The following ZNF827 variants were observed in gnomAD, a reference collection of about 807,000 sequenced individuals.
ZNF827 encodes zinc finger protein 827.
A neutral mutation model predicts 102.4 loss-of-function variants in ZNF827; 13 were observed. The observed-to-expected ratio is 0.13, with a 90% confidence interval of 0.08 to 0.20. The LOEUF (loss-of-function observed/expected upper bound fraction) is 0.20, where lower values mean the gene tolerates loss of function less well. Ranked by LOEUF, ZNF827 falls within the 10% of genes least tolerant of loss-of-function variation. The pLI is 1.00. For missense variants in ZNF827, 1,103 were observed against 1,344.4 expected, an observed-to-expected ratio of 0.82 and a Z score of 2.81; for synonymous variants, 523 against 536.2, an observed-to-expected ratio of 0.98 and a Z score of 0.34.
chr4:145,811,882 A>C (rs1390786195), intron 8 of ZNF827, among the ~76,000 whole-genome samples: 1 of 152,150 alleles, frequency 6.6e-6, no homozygotes. Flanking sequence ...CTGTTAGCTC[A>C]GAGATGGGAA....
At position 145,784,026 on chromosome 4, in the gene ZNF827, C is replaced by A. The variant is rs111694902; in HGVS notation, c.2384-4515G>T. 1.2e-3 allele frequency among the ~76,000 whole-genome samples: 177 copies of A among 152,134 alleles called. 1 individual carries two copies. Among genetic ancestry groups the A allele is most frequent in the African/African-American group, 4.0e-3 (168 of 41,512 alleles). Reference sequence around the variant, plus strand: ...TCTGGTTGTTTAAAAGTGTGCAGCACCTTCCCCTTCTCTATTCCTACTGCT... The same window carrying A: ...TCTGGTTGTTTAAAAGTGTGCAGCAACTTCCCCTTCTCTATTCCTACTGCT... On this transcript the variant is annotated intron_variant, in intron 8 of 14. Transcript: ENST00000508784.
intron 8 of ZNF827, among the ~76,000 whole-genome samples, chr4:145,809,786 T>C (rs2126379513): frequency 6.6e-6 from 1 of 152,252 alleles, no homozygotes; most frequent in South Asian, 2.1e-4. Context: ...TCTATACCCC[T>C]ATGATTTCAT....
chr4:145,887,900 G>A (rs1346028206), intron 3 of ZNF827, among the ~76,000 whole-genome samples: 1 of 152,160 alleles, frequency 6.6e-6, no homozygotes, highest in Non-Finnish European at 1.5e-5. Flanking sequence ...GCAGTGCAGT[G>A]GGGCAGATCC....
intron 6 of ZNF827, 28 bp downstream of exon 6, chr4:145,849,294 A>G: frequency 1.3e-6 from 2 of 1,596,294 alleles, no homozygotes; most frequent in Non-Finnish European, 8.6e-7. Context: ...ATTTCCAATA[A>G]TTGACATTTT....
At chr4:145,781,589 T>C (rs555949025) in intron 8 of ZNF827, among the ~76,000 whole-genome samples, 1 of 152,158 alleles carries the variant, frequency 6.6e-6, no homozygotes, top group Admixed American at 6.5e-5. Flanking sequence ...AAAGTAGAAA[T>C]GTGTGACTAA....
chr4:145,870,605 A>T, intron 4 of ZNF827, 127 bp from the exon 5 acceptor site: 1 of 804,992 alleles, frequency 1.2e-6, no homozygotes, highest in Non-Finnish European at 2.0e-6. Context: ...TCACAACCTC[A>T]TCAGAACAGG....
At chr4:145,918,248 G>A (rs531583056) in intron 1 of ZNF827, among the ~76,000 whole-genome samples, 26 of 149,530 alleles carry the variant, frequency 1.7e-4, no homozygotes, top group Non-Finnish European at 2.7e-4. Context: ...TATGCTTTGC[G>A]GGGCACATAT....
At chr4:145,801,255 G>A (rs1008920110) in intron 8 of ZNF827, among the ~76,000 whole-genome samples, 1 of 152,132 alleles carries the variant, frequency 6.6e-6, no homozygotes, top group African/African-American at 2.4e-5. Context: ...CCATTGCCCT[G>A]TTAAACTTCC....
intron 7 of ZNF827, among the ~76,000 whole-genome samples, chr4:145,838,717 G>A (rs566488676): frequency 1.3e-5 from 2 of 152,180 alleles, no homozygotes; most frequent in East Asian, 3.9e-4. Context: ...TGTATATGTA[G>A]TAGGACTCAG....
At chr4:145,903,597 G>A (rs1751599458) in intron 1 of ZNF827, among the ~76,000 whole-genome samples, 1 of 152,186 alleles carries the variant, frequency 6.6e-6, no homozygotes, top group South Asian at 2.1e-4. Context: ...CAGAATGAGA[G>A]AGGCAGCCTG....
intron 4 of ZNF827, among the ~76,000 whole-genome samples, chr4:145,878,637 A>AGGGAGAGAG (rs1749381587): frequency 7.5e-6 from 1 of 132,870 alleles, no homozygotes; most frequent in African/African-American, 2.8e-5. Flanking sequence ...AAGGAAAGGA[A>AGGGAGAGAG]AGGAAAGGAA....
chr4:145,848,186 A>G (rs1746167822), intron 6 of ZNF827, among the ~76,000 whole-genome samples: 2 of 152,246 alleles, frequency 1.3e-5, no homozygotes, highest in African/African-American at 2.4e-5. Flanking sequence ...CAAAAAATAC[A>G]TAAATAAAAG....
Position 145,892,248 on chromosome 4 carries a change from T to G in ZNF827, c.1261A>C (p.Met421Leu). The change falls in exon 3 of 15, where the codon ATG (methionine) becomes CTG (leucine). Residue 421 changes from methionine to leucine, a missense_variant. By Grantham distance (15) the Met-to-Leu change is conservative (BLOSUM62 2). This residue lies in a region of ZNF827 where 157 missense variants were observed against 211.7 expected (regional missense o/e 0.74). Transcript: ENST00000508784. ...GCAGTCGGTAGGTGGCTTACCTTCA[T>G]GTGGGATTTGAGATTGTCCTTGCGA... ...CARKDNLKSH[M>L]KVHQHQDRGE... 1 of 1,607,752 alleles carries G rather than the reference T, an allele frequency of 6.2e-7. No individual in the cohort carries two copies. The highest frequency in any genetic ancestry group is 8.5e-7 in the Non-Finnish European group (1 of 1,175,634).
At chr4:145,875,313 T>C (rs775693248) in intron 4 of ZNF827, among the ~76,000 whole-genome samples, 2 of 152,098 alleles carry the variant, frequency 1.3e-5, no homozygotes, top group African/African-American at 2.4e-5. Context: ...CCTAAAAAGG[T>C]TAAGAAACTG....
chr4:145,814,459 A>G (rs562981158), intron 8 of ZNF827, among the ~76,000 whole-genome samples: 22 of 152,252 alleles, frequency 1.4e-4, no homozygotes, highest in African/African-American at 4.8e-4. Flanking sequence ...TGAGGTAGGA[A>G]ACTCTGAAGT....
chr4:145,799,787 C>T (rs185232213), intron 8 of ZNF827, among the ~76,000 whole-genome samples: 13 of 152,280 alleles, frequency 8.5e-5, no homozygotes, highest in East Asian at 1.9e-4. Flanking sequence ...GTCATGCCCT[C>T]GACTTCCTTC....
In ZNF827 at chr4:145,765,784, C is replaced by T; in HGVS notation, c.2861-46G>A. ...CCAGTCTGTTAATGAGATGAAAATC[C>T]TCAGAATTATAGCAACTGAGGGTGA... On this transcript the variant is annotated intron_variant, in intron 11 of 14. Transcript: ENST00000508784. This position sits in a 1 kb window ranked among gnomAD's most constrained non-coding sequence, Gnocchi z 4.7. 2 of 1,582,032 alleles carry T rather than the reference C, an allele frequency of 1.3e-6. No homozygotes were observed. Among genetic ancestry groups the T allele is most frequent in the South Asian group, 2.3e-5 (2 of 86,282 alleles).
At chr4:145,922,219 A>G (rs1351467043) in intron 1 of ZNF827, among the ~76,000 whole-genome samples, 1 of 152,198 alleles carries the variant, frequency 6.6e-6, no homozygotes, top group Admixed American at 6.5e-5. Flanking sequence ...TTCCATTACT[A>G]TGTAGACAAC....
chr4:145,878,203 C>A (rs1190494087), intron 4 of ZNF827, among the ~76,000 whole-genome samples: 3 of 152,124 alleles, frequency 2.0e-5, no homozygotes, highest in Non-Finnish European at 2.9e-5. Context: ...GGCTACGATT[C>A]CCCCCTCCAA....
Sources: allele counts gnomAD v4.1 joint callset (sites outside exome capture counted in the v4.1 genomes callset), GRCh38; gene constraint gnomAD v4.1.1; regional missense constraint gnomAD v4.1.1; non-coding constraint Gnocchi (gnomAD v3.1); transcripts MANE v1.5; gene names NCBI Gene and HGNC (gene_info 2026-07-23, HGNC 2026-07-21).